The following CYB5D2 variants were observed in gnomAD, a reference collection of about 807,000 sequenced individuals.
CYB5D2 encodes the protein cytochrome b5 domain containing 2.
In CYB5D2, 23 loss-of-function variants were observed where a neutral mutation model predicts 22.8. That is an observed-to-expected ratio of 1.01 (90% confidence interval 0.73 to 1.43). The LOEUF is 1.43. Ranked by LOEUF, CYB5D2 falls within the 40% of genes most tolerant of loss-of-function variation. The probability of loss-of-function intolerance (pLI) is 0.00; values close to 1 mark genes in which losing one functional copy is unlikely to be tolerated. For missense variants in CYB5D2, 373 were observed against 357.2 expected (o/e 1.04, Z -0.36); for synonymous variants, 170 against 152.2 (o/e 1.12, Z -0.86).
intron 2 of CYB5D2, among the ~76,000 whole-genome samples, chr17:4,153,809 A>G (rs2059083312): frequency 6.6e-6 from 1 of 152,234 alleles, no homozygotes; most frequent in Non-Finnish European, 1.5e-5. Flanking sequence ...CTCCTAATGC[A>G]GGTCACAGGC....
intron 1 of CYB5D2, among the ~76,000 whole-genome samples, chr17:4,144,817 C>T (rs1326853121): frequency 1.3e-5 from 2 of 151,996 alleles, no homozygotes. Flanking sequence ...GATGGAATCT[C>T]GCTGTGTCGC....
At chr17:4,146,430 G>A (rs1465170594) in intron 1 of CYB5D2, among the ~76,000 whole-genome samples, 4 of 151,516 alleles carry the variant, frequency 2.6e-5, no homozygotes, top group African/African-American at 9.7e-5. Flanking sequence ...TCACTCTGTC[G>A]CCCAGGCTAG....
Position 4,143,720 on chromosome 17 carries a change from C to A in CYB5D2, c.-36C>A. On this transcript the variant is annotated 5_prime_UTR_variant, in exon 1 of 4. Transcript: ENST00000301391. The stretch of plus-strand genomic sequence containing the variant: ...CCATCTTAGCTGTAGATAGAGGCGG[C>A]AACCTCGGAAGTGCGGAGCGGGTGG... 1.9e-6 allele frequency: 3 copies of A among 1,574,962 alleles called. No individual in the cohort carries two copies. Among genetic ancestry groups the A allele is most frequent in the South Asian group, 1.1e-5 (1 of 87,212 alleles).
intron 1 of CYB5D2, 90 bp downstream of exon 1, chr17:4,144,095 TCCCCCCCCATC>T (rs1416140048): frequency 2.1e-6 from 3 of 1,461,742 alleles, no homozygotes. Context: ...TTCATCTATT[TCCCCCCCCATC>T]CCCACCCCAC....
In CYB5D2 at chr17:4,143,594, A is replaced by G. The variant is rs2058918982; in HGVS notation, c.-162A>G. The G allele has an allele frequency of 1.0e-6, 1 of 1,002,332 alleles. No homozygotes were observed. The highest frequency in any genetic ancestry group is 1.4e-6 in the Non-Finnish European group (1 of 699,936). 62.1% of individuals were successfully genotyped at this position (1,002,332 alleles called of 1,614,324 possible). A position where few individuals can be genotyped will look rare whatever the true frequency, so the allele number is the denominator to read the frequency against. On this transcript the variant is annotated 5_prime_UTR_variant, in exon 1 of 4. In the 5' UTR this introduces an upstream ATG that the reference lacks. Transcript: ENST00000301391. ...CGAGCTTTTCGCCAGTGCCAGGAAT[A>G]CAGATAAAACGAGAGAGACTAAGGG...
At chr17:4,151,132 C>G (rs1055824115) in intron 2 of CYB5D2, 3 of 152,176 alleles carry the variant, frequency 2.0e-5, no homozygotes, top group Admixed American at 1.3e-4. Flanking sequence ...CACCTCAGCT[C>G]CCTCCACATC....
At chr17:4,156,793 G>A (rs2059116277) in intron 3 of CYB5D2, 73 bp from the exon 4 acceptor site, 1 of 1,523,666 alleles carries the variant, frequency 6.6e-7, no homozygotes, top group South Asian at 1.2e-5. Flanking sequence ...CTGGCTCTCT[G>A]CTTCCTGCTC....
intron 1 of CYB5D2, among the ~76,000 whole-genome samples, chr17:4,148,110 TG>T (rs1420394675): frequency 6.6e-6 from 1 of 152,140 alleles, no homozygotes; most frequent in Non-Finnish European, 1.5e-5. Flanking sequence ...TGAGAAAGGA[TG>T]GCAGCCTGGG....
intron 1 of CYB5D2, 42 bp from the exon 2 acceptor site, chr17:4,149,849 A>G: frequency 6.3e-7 from 1 of 1,584,012 alleles, no homozygotes; most frequent in Non-Finnish European, 8.6e-7. Context: ...GGATGGTGTC[A>G]GTGGTTTACA....
At chr17:4,144,029 T>G (rs780812519) in intron 1 of CYB5D2, 24 bp downstream of exon 1, 3 of 1,562,534 alleles carry the variant, frequency 1.9e-6, no homozygotes, top group South Asian at 2.4e-5. Flanking sequence ...TGCTCACGCC[T>G]TTCTCTCCGC....
At chr17:4,155,869 A>C (rs566863742) in intron 3 of CYB5D2, among the ~76,000 whole-genome samples, 1 of 152,192 alleles carries the variant, frequency 6.6e-6, no homozygotes, top group East Asian at 1.9e-4. Flanking sequence ...CTTCCCCACA[A>C]AACCCTTCCA....
chr17:4,155,248 A>T (rs779518385), intron 3 of CYB5D2, among the ~76,000 whole-genome samples: 22 of 152,118 alleles, frequency 1.4e-4, no homozygotes, highest in Admixed American at 3.3e-4. Flanking sequence ...AGCACAAATC[A>T]TGCCTATCTA....
intron 1 of CYB5D2, among the ~76,000 whole-genome samples, chr17:4,148,622 G>A (rs749111747): frequency 4.0e-5 from 6 of 151,674 alleles, no homozygotes; most frequent in East Asian, 1.9e-4. Context: ...GTGGATCACC[G>A]GAGGTCAGGA....
At chr17:4,144,130 G>T in intron 1 of CYB5D2, 125 bp downstream of exon 1, 1 of 1,359,426 alleles carries the variant, frequency 7.4e-7, no homozygotes, top group African/African-American at 1.5e-5. Context: ...CATCAAACCC[G>T]TGCGGTGGGC....
chr17:4,145,884 C>T (rs772444741), intron 1 of CYB5D2, among the ~76,000 whole-genome samples: 6 of 151,800 alleles, frequency 4.0e-5, no homozygotes, highest in East Asian at 1.9e-4. Flanking sequence ...CTGCAACCTC[C>T]GCCTCCCAAG....
Position 4,157,137 on chromosome 17 carries a change from G to A in CYB5D2, c.*55G>A. The A allele has an allele frequency of 6.3e-7, 1 of 1,579,118 alleles. No individual in the cohort carries two copies. ...GAGAGCTCTGCCAAGCACCTGAGTA[G>A]GCCCTTGACACTTGTGTGCCCTGGG... is the stretch of plus-strand genomic sequence containing the variant. On this transcript the variant is annotated 3_prime_UTR_variant, in exon 4 of 4. Coordinates refer to ENST00000301391, the MANE Select transcript of CYB5D2 (RefSeq NM_144611.4). This position sits in a 1 kb window ranked among gnomAD's most constrained non-coding sequence, Gnocchi z 4.4.
At chr17:4,144,312 C>G (rs1261251317) in intron 1 of CYB5D2, among the ~76,000 whole-genome samples, 1 of 144,302 alleles carries the variant, frequency 6.9e-6, no homozygotes, top group African/African-American at 2.6e-5. Context: ...GTGTGCCGGA[C>G]TTTTGTGGGG....
At chr17:4,156,565 G>A (rs1945157224) in intron 3 of CYB5D2, among the ~76,000 whole-genome samples, 1 of 152,280 alleles carries the variant, frequency 6.6e-6, no homozygotes, top group Non-Finnish European at 1.5e-5. Context: ...GTTGCCACCA[G>A]TGCAGGAACG....
rs1427645946 is a variant in CYB5D2 at position 4,149,874 on chromosome 17, A to T, written c.251-17A>T. On this transcript the variant is annotated splice_polypyrimidine_tract_variant and intron_variant, in intron 1 of 3. Transcript: ENST00000301391. Reference sequence around the variant, plus strand: ...AGTGGTTTACACCTGGGTCTGATGGAAACATCTCTGTTCCAGGCCGAGACG... The same window carrying T: ...AGTGGTTTACACCTGGGTCTGATGGTAACATCTCTGTTCCAGGCCGAGACG... 1.2e-6 allele frequency: 2 copies of T among 1,609,122 alleles called. No individual in the cohort carries two copies. The highest frequency in any genetic ancestry group is 2.2e-5 in the South Asian group (2 of 90,786).
Sources: allele counts gnomAD v4.1 joint callset (sites outside exome capture counted in the v4.1 genomes callset), GRCh38; gene constraint gnomAD v4.1.1; non-coding constraint Gnocchi (gnomAD v3.1); transcripts MANE v1.5; gene names NCBI Gene and HGNC (gene_info 2026-07-23, HGNC 2026-07-21).